The following TNIP1 variants were observed in gnomAD, a reference collection of about 807,000 sequenced individuals.
TNIP1 encodes the protein TNFAIP3-interacting protein 1.
Under a neutral mutation model 86.6 loss-of-function variants are expected in TNIP1, and 22 were observed. The observed-to-expected ratio is 0.25, with a 90% CI of 0.18 to 0.36. The LOEUF is 0.36. TNIP1 is among the 10% of genes least tolerant of loss of function. The pLI, the probability that TNIP1 is intolerant of heterozygous loss-of-function variation, is 1.00. For synonymous variants in TNIP1, 294 were observed against 313.0 expected, an observed-to-expected ratio of 0.94 and a Z score of 0.64; for missense variants, 709 against 820.6, an observed-to-expected ratio of 0.86 and a Z score of 1.66.
chr5:151,053,740 A>T (rs76923763), intron 6 of TNIP1, among the ~76,000 whole-genome samples: 1 of 152,346 alleles, frequency 6.6e-6, no homozygotes, highest in East Asian at 1.9e-4. Context: ...GTGCCTCACA[A>T]CTTCCTCAAA....
chr5:151,084,553 T>C (rs1008410131), upstream of TNIP1, among the ~76,000 whole-genome samples: 15 of 151,776 alleles, frequency 9.9e-5, no homozygotes, highest in South Asian at 1.7e-3. Flanking sequence ...AGGTCTTACG[T>C]TGAGTTTGTG....
At chr5:151,054,745 A>C (rs573910584) in intron 6 of TNIP1, among the ~76,000 whole-genome samples, 3 of 152,340 alleles carry the variant, frequency 2.0e-5, no homozygotes, top group African/African-American at 7.2e-5. Flanking sequence ...CCTAGCAGAG[A>C]GCCTTATGCT....
chr5:151,078,974 C>T (rs1363409246), intron 1 of TNIP1, among the ~76,000 whole-genome samples: 1 of 152,194 alleles, frequency 6.6e-6, no homozygotes, highest in African/African-American at 2.4e-5. Flanking sequence ...ATGACTCAGA[C>T]CCCACAGCTT....
intron 8 of TNIP1, among the ~76,000 whole-genome samples, chr5:151,048,241 G>A (rs1475006057): frequency 2.0e-5 from 3 of 152,174 alleles, no homozygotes; most frequent in Non-Finnish European, 4.4e-5. Flanking sequence ...ACCTCCGCGA[G>A]GGAGAGAGGA....
chr5:151,043,438 G>A (rs1166491356), intron 9 of TNIP1, among the ~76,000 whole-genome samples: 1 of 152,194 alleles, frequency 6.6e-6, no homozygotes, highest in Non-Finnish European at 1.5e-5. Context: ...ATAGGTTAAA[G>A]AAACGATAGT....
chr5:151,048,606 G>T (rs567234068), intron 8 of TNIP1, among the ~76,000 whole-genome samples: 52 of 152,334 alleles, frequency 3.4e-4, no homozygotes, highest in African/African-American at 1.2e-3. Context: ...GGCAGGAAGA[G>T]CATCTGGCTC....
At position 151,039,178 on chromosome 5, in the gene TNIP1, CT is replaced by C. The variant is rs1455093097; in HGVS notation, c.1181del (p.Lys394ArgfsTer9). The C allele has an allele frequency of 6.2e-7, 1 of 1,613,944 alleles. No homozygotes were observed. Among genetic ancestry groups the C allele is most frequent in the Admixed American group, 1.7e-5 (1 of 60,002 alleles). ...TCAGCTGATCCTGCAGGTACTTGAC[CT>C]TTTGGCGCAGCTCCTTGGCCTCTGC... is the stretch of plus-strand genomic sequence containing the variant. The part of the protein sequence containing the change: ...LTAEAKELRQ[K>X]VKYLQDQLSP... On this transcript the variant is annotated frameshift_variant, in exon 12 of 18. Coordinates refer to ENST00000521591, the MANE Select transcript of TNIP1 (RefSeq NM_006058.5). LOFTEE classifies it high-confidence loss of function.
chr5:151,032,002 T>G, intron 17 of TNIP1: 2 of 326,498 alleles, frequency 6.1e-6, no homozygotes, highest in Non-Finnish European at 1.1e-5. Flanking sequence ...CCTCCCTCAT[T>G]AGACATTACG....
chr5:151,037,229 A>C (rs1477806463), intron 12 of TNIP1: 1 of 210,194 alleles, frequency 4.8e-6, no homozygotes, highest in Non-Finnish European at 9.6e-6. Context: ...TAAGTGGCAG[A>C]GCACAGATTC....
intron 6 of TNIP1, among the ~76,000 whole-genome samples, chr5:151,055,726 G>A (rs1385519085): frequency 6.6e-6 from 1 of 152,168 alleles, no homozygotes; most frequent in East Asian, 1.9e-4. Context: ...CCATCAGCGG[G>A]GCACTTGAGT....
intron 17 of TNIP1, among the ~76,000 whole-genome samples, chr5:151,031,747 A>T (rs1204105092): frequency 2.0e-5 from 3 of 152,114 alleles, no homozygotes; most frequent in Admixed American, 2.0e-4. Context: ...CGATCCTCAA[A>T]TCAGCTCCCC....
chr5:151,046,300 G>C (rs1759157301), intron 8 of TNIP1: 2 of 230,644 alleles, frequency 8.7e-6, no homozygotes. Context: ...GGCCTGGAAG[G>C]TAAGACATTT....
At chr5:151,035,373 C>G (rs1757561247) in intron 14 of TNIP1, among the ~76,000 whole-genome samples, 2 of 152,224 alleles carry the variant, frequency 1.3e-5, no homozygotes, top group African/African-American at 4.8e-5. Flanking sequence ...TGTGGAAAGT[C>G]AGAGGTAGAG....
chr5:151,086,668 AG>A (rs1181674414), intron 1 of TNIP1, among the ~76,000 whole-genome samples: 5 of 152,212 alleles, frequency 3.3e-5, no homozygotes, highest in African/African-American at 1.2e-4. Flanking sequence ...GACACAACAC[AG>A]GCACACATTC....
intron 1 of TNIP1, among the ~76,000 whole-genome samples, chr5:151,065,889 A>C (rs1278206530): frequency 1.3e-5 from 2 of 152,160 alleles, no homozygotes; most frequent in Admixed American, 1.3e-4. Flanking sequence ...TTGAGCACCA[A>C]GGTTTTTTTT....
intron 1 of TNIP1, among the ~76,000 whole-genome samples, chr5:151,076,759 G>A (rs1245811422): frequency 6.6e-6 from 1 of 152,158 alleles, no homozygotes; most frequent in Admixed American, 6.5e-5. Context: ...AAGAAGTCTG[G>A]AATAACACTG....
intron 1 of TNIP1, chr5:151,080,286 GC>G (rs1763857058): frequency 6.6e-6 from 1 of 152,230 alleles, no homozygotes; most frequent in African/African-American, 2.4e-5. Context: ...GAACTCTGGA[GC>G]CAAATGCCTG....
intron 1 of TNIP1, among the ~76,000 whole-genome samples, chr5:151,069,712 A>G (rs111382397): frequency 7.7e-4 from 117 of 152,194 alleles, no homozygotes; most frequent in African/African-American, 2.7e-3. Context: ...CAGAGGGGGT[A>G]TAGGGAAGGG....
At chr5:151,076,811 G>GCCTCT (rs1481750711) in intron 1 of TNIP1, among the ~76,000 whole-genome samples, 1 of 152,196 alleles carries the variant, frequency 6.6e-6, no homozygotes, top group Admixed American at 6.5e-5. Context: ...TGATCCCAGG[G>GCCTCT]GTCGGGGTCA....
Sources: gnomAD v4.1 joint callset for allele counts (sites outside exome capture counted in the v4.1 genomes callset) on GRCh38, gnomAD v4.1.1 for gene constraint, MANE v1.5 for transcripts, NCBI Gene and HGNC (gene_info 2026-07-23, HGNC 2026-07-21) for gene names.